LRRC8C: variants seen among roughly 807,000 people sequenced by gnomAD.
LRRC8C encodes the protein leucine rich repeat containing 8 VRAC subunit C.
Under a neutral mutation model 55.3 loss-of-function variants are expected in LRRC8C, and 20 were observed. The ratio of observed to expected loss-of-function variants is 0.36; its 90% CI spans 0.25 to 0.53. The LOEUF (loss-of-function observed/expected upper bound fraction) is 0.53, where lower values mean the gene tolerates loss of function less well. Among genes scored for constraint, LRRC8C ranks in the 20% least tolerant of loss-of-function variants. The pLI is 0.92. For synonymous variants in LRRC8C, 376 were observed against 360.7 expected (o/e 1.04, Z -0.48); for missense variants, 659 against 951.4 (o/e 0.69, Z 4.04).
chr1:89,696,201 G>A (rs1658166772), intron 2 of LRRC8C, among the ~76,000 whole-genome samples: 1 of 152,156 alleles, frequency 6.6e-6, no homozygotes, highest in Admixed American at 6.5e-5. Context: ...TACAGACATA[G>A]TGGACAAGAT....
At chr1:89,688,712 G>A (rs1657947840) in intron 2 of LRRC8C, among the ~76,000 whole-genome samples, 1 of 152,158 alleles carries the variant, frequency 6.6e-6, no homozygotes, top group African/African-American at 2.4e-5. Context: ...TTCTAGTTTG[G>A]TTTCCCCGGA....
At chr1:89,666,586 C>T (rs981087043) in intron 1 of LRRC8C, among the ~76,000 whole-genome samples, 1 of 152,080 alleles carries the variant, frequency 6.6e-6, no homozygotes, top group South Asian at 2.1e-4. Context: ...TTCCTCTTTG[C>T]CCCTAAACAG....
intron 2 of LRRC8C, among the ~76,000 whole-genome samples, chr1:89,702,528 A>G (rs1416007095): frequency 6.6e-6 from 1 of 152,194 alleles, no homozygotes; most frequent in Non-Finnish European, 1.5e-5. Context: ...TGAGCCCAGG[A>G]GTTCAAAACC....
At chr1:89,687,946 G>A (rs567763303) in intron 2 of LRRC8C, among the ~76,000 whole-genome samples, 7 of 152,280 alleles carry the variant, frequency 4.6e-5, no homozygotes, top group Admixed American at 4.6e-4. Flanking sequence ...TGCTTCCTAT[G>A]TGTCAGGAAC....
At chr1:89,703,924 G>C (rs555355231) in intron 2 of LRRC8C, among the ~76,000 whole-genome samples, 1 of 151,878 alleles carries the variant, frequency 6.6e-6, no homozygotes, top group South Asian at 2.1e-4. Context: ...TGATTAGTTT[G>C]GATTTTTAAA....
chr1:89,651,294 C>T (rs1656768453), intron 1 of LRRC8C, among the ~76,000 whole-genome samples: 1 of 152,090 alleles, frequency 6.6e-6, no homozygotes, highest in Non-Finnish European at 1.5e-5. Flanking sequence ...ATAGGCCAGG[C>T]ATAGTGGCTC....
At chr1:89,680,571 T>C (rs1297282037) in intron 1 of LRRC8C, among the ~76,000 whole-genome samples, 3 of 84,636 alleles carry the variant, frequency 3.5e-5, no homozygotes, top group East Asian at 3.3e-4. Flanking sequence ...TTTTTTTTTT[T>C]CTGTTTTGAG....
intron 1 of LRRC8C, among the ~76,000 whole-genome samples, chr1:89,679,567 A>G (rs775462157): frequency 1.3e-5 from 2 of 152,188 alleles, no homozygotes; most frequent in Non-Finnish European, 2.9e-5. Flanking sequence ...AAAAACAACA[A>G]AAGAAAAGAT....
chr1:89,683,923 A>G (rs1487144966), intron 1 of LRRC8C, among the ~76,000 whole-genome samples: 1 of 152,190 alleles, frequency 6.6e-6, no homozygotes, highest in Non-Finnish European at 1.5e-5. Context: ...GCAGAAGCAG[A>G]TATATCTTCT....
chr1:89,685,606 G>A (rs1004912109), intron 1 of LRRC8C, among the ~76,000 whole-genome samples: 5 of 152,134 alleles, frequency 3.3e-5, no homozygotes, highest in African/African-American at 1.2e-4. Context: ...CAAGTCCTGG[G>A]TCACACTAAA....
intron 1 of LRRC8C, among the ~76,000 whole-genome samples, chr1:89,643,851 G>A (rs1408411606): frequency 6.6e-6 from 1 of 152,090 alleles, no homozygotes; most frequent in Non-Finnish European, 1.5e-5. Flanking sequence ...CTCTAAAACC[G>A]GGCTTCTGAC....
intron 1 of LRRC8C, among the ~76,000 whole-genome samples, chr1:89,636,923 TG>T (rs1335325173): frequency 6.6e-6 from 1 of 152,216 alleles, no homozygotes; most frequent in Admixed American, 6.5e-5. Flanking sequence ...TTTATATTTT[TG>T]CTTGGGATAA....
At chr1:89,633,383 G>C (rs966826065) in intron 1 of LRRC8C, 61 bp downstream of exon 1, 1 of 152,430 alleles carries the variant, frequency 6.6e-6, no homozygotes, top group African/African-American at 2.4e-5. Context: ...CCACCCGCTC[G>C]GTCCGCTGTG....
intron 1 of LRRC8C, among the ~76,000 whole-genome samples, chr1:89,635,963 G>T (rs1393800965): frequency 6.6e-6 from 1 of 152,214 alleles, no homozygotes; most frequent in Non-Finnish European, 1.5e-5. Context: ...CATAACCATG[G>T]AGGTATCCTT....
At chr1:89,650,664 C>A (rs1656738481) in intron 1 of LRRC8C, among the ~76,000 whole-genome samples, 1 of 152,142 alleles carries the variant, frequency 6.6e-6, no homozygotes, top group South Asian at 2.1e-4. Flanking sequence ...TTTTTAAGGG[C>A]TTTGGTTGTT....
chr1:89,670,918 T>C (rs1657394950), intron 1 of LRRC8C, among the ~76,000 whole-genome samples: 1 of 152,252 alleles, frequency 6.6e-6, no homozygotes, highest in Non-Finnish European at 1.5e-5. Flanking sequence ...TATGCATCTT[T>C]TCCAGTGCTG....
chr1:89,659,053 TTTTTTTTTTGTGTG>T (rs774550353), intron 1 of LRRC8C, among the ~76,000 whole-genome samples: 1,172 of 59,358 alleles, frequency 0.02, 45 homozygotes, highest in Admixed American at 0.037. Context: ...TCCAGGTTTT[TTTTTTTTTTGTGTG>T]TGTGTGTGTG....
intron 2 of LRRC8C, among the ~76,000 whole-genome samples, chr1:89,702,619 AGGCAT>A (rs1445290844): frequency 6.6e-6 from 1 of 152,076 alleles, no homozygotes; most frequent in Non-Finnish European, 1.5e-5. Flanking sequence ...TTCATTAGCC[AGGCAT>A]GGTGGCACAC....
At chr1:89,658,127 C>A (rs1657002543) in intron 1 of LRRC8C, among the ~76,000 whole-genome samples, 1 of 152,110 alleles carries the variant, frequency 6.6e-6, no homozygotes, top group South Asian at 2.1e-4. Flanking sequence ...CCTTGATGTT[C>A]TTTGGCCACA....
Sources: gnomAD v4.1 joint callset for allele counts (sites outside exome capture counted in the v4.1 genomes callset) on GRCh38, gnomAD v4.1.1 for gene constraint, MANE v1.5 for transcripts, NCBI Gene and HGNC (gene_info 2026-07-23, HGNC 2026-07-21) for gene names.